Variants in ABHD17C observed in about 807,000 individuals in gnomAD.
ABHD17C encodes abhydrolase domain containing 17C, depalmitoylase.
In ABHD17C, 11 loss-of-function variants were observed where a neutral mutation model predicts 27.9. The ratio of observed to expected loss-of-function variants is 0.39; its 90% CI spans 0.25 to 0.65. ABHD17C has a LOEUF of 0.65. Ranked by LOEUF, ABHD17C falls within the 30% of genes least tolerant of loss-of-function variation. ABHD17C has a pLI of 0.45. For synonymous variants in ABHD17C, 233 were observed against 209.1 expected, an observed-to-expected ratio of 1.11 and a Z score of -0.98; for missense variants, 280 against 470.2, an observed-to-expected ratio of 0.60 and a Z score of 3.74.
intron 1 of ABHD17C, among the ~76,000 whole-genome samples, chr15:80,725,885 G>A (rs761355873): frequency 2.0e-5 from 3 of 152,064 alleles, no homozygotes; most frequent in Non-Finnish European, 4.4e-5. Flanking sequence ...CTCGGTTGGG[G>A]AGACCCTAAC....
chr15:80,724,636 A>G (rs957667844), intron 1 of ABHD17C, among the ~76,000 whole-genome samples: 2 of 152,228 alleles, frequency 1.3e-5, no homozygotes, highest in African/African-American at 2.4e-5. Context: ...TGCCTCCTGT[A>G]GTCAGCTGCT....
chr15:80,746,827 C>T (rs1449130507), intron 1 of ABHD17C, among the ~76,000 whole-genome samples: 1 of 152,014 alleles, frequency 6.6e-6, no homozygotes, highest in Non-Finnish European at 1.5e-5. Flanking sequence ...AGTCCCATGG[C>T]GTGTTATATA....
rs977188084 is a variant in ABHD17C at position 80,749,492 on chromosome 15, TAC to T, written c.591-19_591-18del. 1.2e-6 allele frequency: 2 copies of T among 1,611,266 alleles called. No individual in the cohort carries two copies. The highest frequency in any genetic ancestry group is 2.7e-5 in the African/African-American group (2 of 74,864). On this transcript the variant is annotated intron_variant, in intron 1 of 2. Transcript: ENST00000258884. Reference sequence around the variant, plus strand: ...TTTCTTCATACCTTAGCTAATGGCATACAACCTCTGATTTCTCCAGGTATGGC... The same window carrying T: ...TTTCTTCATACCTTAGCTAATGGCATAACCTCTGATTTCTCCAGGTATGGC...
At chr15:80,702,374 A>G (rs1192213732) in intron 1 of ABHD17C, among the ~76,000 whole-genome samples, 1 of 152,158 alleles carries the variant, frequency 6.6e-6, no homozygotes, top group African/African-American at 2.4e-5. Context: ...TCATGCCTGT[A>G]GTCTCTGAGC....
chr15:80,708,208 C>T (rs1281232319), intron 1 of ABHD17C, among the ~76,000 whole-genome samples: 1 of 152,206 alleles, frequency 6.6e-6, no homozygotes, highest in Non-Finnish European at 1.5e-5. Flanking sequence ...TTTCCTTCTC[C>T]TTCTTTCTTT....
chr15:80,732,741 C>T (rs956150988), intron 1 of ABHD17C, among the ~76,000 whole-genome samples: 1 of 152,116 alleles, frequency 6.6e-6, no homozygotes, highest in Non-Finnish European at 1.5e-5. Context: ...TTCTGCCCAG[C>T]GGAAAGTGTC....
At chr15:80,733,419 G>A (rs1895083284) in intron 1 of ABHD17C, among the ~76,000 whole-genome samples, 1 of 152,120 alleles carries the variant, frequency 6.6e-6, no homozygotes, top group South Asian at 2.1e-4. Context: ...ATCCTGGGGA[G>A]GACTGGGATT....
chr15:80,730,915 T>C (rs1895049461), intron 1 of ABHD17C, among the ~76,000 whole-genome samples: 1 of 152,228 alleles, frequency 6.6e-6, no homozygotes, highest in Admixed American at 6.5e-5. Context: ...TAGTGGCCAA[T>C]AAAGGCTTCC....
intron 1 of ABHD17C, among the ~76,000 whole-genome samples, chr15:80,698,846 T>C (rs1376351826): frequency 2.0e-5 from 3 of 152,240 alleles, no homozygotes; most frequent in Non-Finnish European, 4.4e-5. Flanking sequence ...TCTTTGGGAA[T>C]CTTTATCTTT....
intron 1 of ABHD17C, among the ~76,000 whole-genome samples, chr15:80,701,152 C>T (rs956544743): frequency 9.9e-5 from 15 of 152,166 alleles, no homozygotes; most frequent in African/African-American, 3.6e-4. Context: ...GCTGTAGTGG[C>T]ATCCTCTCAG....
intron 1 of ABHD17C, among the ~76,000 whole-genome samples, chr15:80,730,588 T>C (rs1895044554): frequency 6.6e-6 from 1 of 152,214 alleles, no homozygotes; most frequent in Non-Finnish European, 1.5e-5. Flanking sequence ...GACACAGTAT[T>C]GTATGTTCTG....
At chr15:80,738,476 C>T (rs916439822) in intron 1 of ABHD17C, among the ~76,000 whole-genome samples, 12 of 152,164 alleles carry the variant, frequency 7.9e-5, no homozygotes, top group Admixed American at 6.5e-4. Context: ...AAACAGAAGG[C>T]AGGCCCTGAT....
chr15:80,696,753 T>A (rs2141486258), intron 1 of ABHD17C, among the ~76,000 whole-genome samples: 1 of 152,336 alleles, frequency 6.6e-6, no homozygotes, highest in South Asian at 2.1e-4. Flanking sequence ...GTGGGCCATC[T>A]GTGAGCCAGG....
At chr15:80,698,572 A>T (rs1894529971) in intron 1 of ABHD17C, among the ~76,000 whole-genome samples, 1 of 152,182 alleles carries the variant, frequency 6.6e-6, no homozygotes, top group African/African-American at 2.4e-5. Context: ...CAGATTCTTC[A>T]GGAGGTGCAT....
chr15:80,724,355 C>T (rs1018835407), intron 1 of ABHD17C, among the ~76,000 whole-genome samples: 2 of 152,000 alleles, frequency 1.3e-5, no homozygotes, highest in Non-Finnish European at 2.9e-5. Context: ...CCAAAAAAAA[C>T]CCCTTATCAT....
chr15:80,740,764 C>T (rs1360475079), intron 1 of ABHD17C, among the ~76,000 whole-genome samples: 2 of 152,152 alleles, frequency 1.3e-5, no homozygotes, highest in Admixed American at 1.3e-4. Flanking sequence ...CCGTGGGACC[C>T]AAGGGCCAGC....
intron 1 of ABHD17C, among the ~76,000 whole-genome samples, chr15:80,744,671 C>T (rs1895258784): frequency 6.6e-6 from 1 of 152,200 alleles, no homozygotes; most frequent in Admixed American, 6.5e-5. Context: ...AGCGATACTG[C>T]TTCCCTTTTT....
chr15:80,726,853 AG>A (rs1894987816), intron 1 of ABHD17C, among the ~76,000 whole-genome samples: 2 of 152,246 alleles, frequency 1.3e-5, no homozygotes, highest in Admixed American at 6.5e-5. Flanking sequence ...TTTGCATTGT[AG>A]TTAAGGAATG....
chr15:80,711,733 G>C (rs1053229012), intron 1 of ABHD17C, among the ~76,000 whole-genome samples: 2 of 152,026 alleles, frequency 1.3e-5, no homozygotes, highest in African/African-American at 4.8e-5. Flanking sequence ...AGTTTCTTGG[G>C]GACTTTTGCA....
Sources: gnomAD v4.1 joint callset for allele counts (sites outside exome capture counted in the v4.1 genomes callset) on GRCh38, gnomAD v4.1.1 for gene constraint, MANE v1.5 for transcripts, NCBI Gene and HGNC (gene_info 2026-07-23, HGNC 2026-07-21) for gene names.